CAST: variants seen among roughly 807,000 people sequenced by gnomAD.
CAST encodes the protein calpastatin.
In CAST, 76 loss-of-function variants were observed where a neutral mutation model predicts 119.6. The observed-to-expected ratio is 0.64, with a 90% CI of 0.53 to 0.77. CAST has a LOEUF of 0.77. Among genes scored for constraint, CAST ranks in the 30% least tolerant of loss-of-function variants. CAST has a pLI of 0.00. For synonymous variants in CAST, 319 were observed against 331.6 expected (o/e 0.96, Z 0.41); for missense variants, 953 against 946.5 (o/e 1.01, Z -0.09).
At chr5:96,652,497 T>G (rs1748107274) in intron 1 of CAST, among the ~76,000 whole-genome samples, 1 of 152,118 alleles carries the variant, frequency 6.6e-6, no homozygotes, top group African/African-American at 2.4e-5. Context: ...CAGCACCTAA[T>G]TATACATTTA....
the CAST span, among the ~76,000 whole-genome samples, chr5:96,026,553 C>T: frequency 3.7e-3 from 563 of 152,276 alleles, 4 homozygotes; most frequent in African/African-American, 0.013. Context: ...TAACTGGCCT[C>T]CTGGAAACAG....
chr5:96,368,974 A>G, the CAST span, among the ~76,000 whole-genome samples: 1 of 152,054 alleles, frequency 6.6e-6, no homozygotes, highest in Non-Finnish European at 1.5e-5. Flanking sequence ...CCCATTTGAA[A>G]GTGATCTTTT....
the CAST span, among the ~76,000 whole-genome samples, chr5:96,361,407 T>C: frequency 6.6e-6 from 1 of 152,114 alleles, no homozygotes; most frequent in Non-Finnish European, 1.5e-5. Flanking sequence ...GCTAGCTCAG[T>C]GTCTGCCCAA....
At chr5:96,145,340 T>TA in the CAST span, among the ~76,000 whole-genome samples, 1 of 152,172 alleles carries the variant, frequency 6.6e-6, no homozygotes, top group Non-Finnish European at 1.5e-5. Context: ...TGCAAAAATC[T>TA]GACTCCTCCC....
intron 17 of CAST, 55 bp downstream of exon 17, chr5:96,746,480 T>C (rs546907823): frequency 1.9e-4 from 186 of 962,418 alleles, no homozygotes; most frequent in Non-Finnish European, 3.1e-4. Context: ...CATCTTGTTT[T>C]GTTGTATCTG....
the CAST span, among the ~76,000 whole-genome samples, chr5:96,386,235 T>C: frequency 2.0e-5 from 3 of 152,238 alleles, no homozygotes; most frequent in Admixed American, 6.5e-5. Context: ...GAGAAATCCT[T>C]ACCAATTGGA....
chr5:96,377,602 G>A, the CAST span, among the ~76,000 whole-genome samples: 1 of 152,084 alleles, frequency 6.6e-6, no homozygotes, highest in African/African-American at 2.4e-5. Context: ...TGTGTAATAG[G>A]CTAAACCTTC....
At chr5:96,593,689 T>C (rs1041118585) in intron 1 of CAST, among the ~76,000 whole-genome samples, 1 of 152,196 alleles carries the variant, frequency 6.6e-6, no homozygotes, top group African/African-American at 2.4e-5. Context: ...AAATTAGTCA[T>C]GAGAGTGAAT....
chr5:96,259,012 T>C, the CAST span, among the ~76,000 whole-genome samples: 4 of 152,190 alleles, frequency 2.6e-5, no homozygotes, highest in Non-Finnish European at 5.9e-5. Flanking sequence ...GAAAAGTTAA[T>C]GGAAGATATG....
In CAST at chr5:96,713,352, C is replaced by T. The variant is rs548429714; in HGVS notation, c.211-9287C>T. Among the ~76,000 whole-genome samples, 3 of 152,046 alleles carry T rather than the reference C, an allele frequency of 2.0e-5. No individual in the cohort carries two copies. The South Asian group carries it at 6.2e-4, about 32-fold the overall frequency. ...TTCACTGTGTTAGCCAGGATGGTCA[C>T]GATCTCCTGACCTGGTGATCCACCC... On this transcript the variant is annotated intron_variant, in intron 3 of 31. Coordinates refer to ENST00000675179, the MANE Select transcript of CAST (RefSeq NM_001750.7).
chr5:96,736,198 A>G lies in CAST; in HGVS notation c.657A>G (p.Pro219=). ...AAAAAGAAAAGAAATCATTAACCCC[A>G]GCTGTGCCAGTTGAATCTAAACCGG... ...DKKKEKKSLT[P]AVPVESKPDK... The change falls in exon 10 of 32, where the codon CCA becomes CCG. Residue 219 remains proline (P), a synonymous_variant. Coordinates refer to ENST00000675179, the MANE Select transcript of CAST (RefSeq NM_001750.7). 6.2e-7 allele frequency: 1 copy of G among 1,612,916 alleles called. No individual in the cohort carries two copies. The highest frequency in any genetic ancestry group is 8.5e-7 in the Non-Finnish European group (1 of 1,179,322).
chr5:96,515,480 G>A, the CAST span, among the ~76,000 whole-genome samples: 23 of 152,156 alleles, frequency 1.5e-4, no homozygotes, highest in East Asian at 4.5e-3. Flanking sequence ...TGGCTTCCTG[G>A]TGCTATCTTG....
At chr5:96,022,845 A>C in the CAST span, among the ~76,000 whole-genome samples, 5 of 151,962 alleles carry the variant, frequency 3.3e-5, no homozygotes, top group Non-Finnish European at 7.4e-5. Context: ...TCTCCAGGAA[A>C]CCTCTGTTTT....
At chr5:96,576,889 A>G (rs1746682582) in intron 1 of CAST, among the ~76,000 whole-genome samples, 1 of 151,988 alleles carries the variant, frequency 6.6e-6, no homozygotes, top group African/African-American at 2.4e-5. Context: ...TACATAGGTA[A>G]ATGTGTGCCA....
the CAST span, among the ~76,000 whole-genome samples, chr5:96,383,669 A>G: frequency 1.3e-5 from 2 of 152,170 alleles, no homozygotes; most frequent in Admixed American, 6.5e-5. Flanking sequence ...GATGGTCTTG[A>G]TCTCCTGACC....
chr5:96,566,712 GCACA>G lies in CAST; in HGVS notation c.60+36835_60+36838del, dbSNP rs200807789. Among the ~76,000 whole-genome samples the G allele has an allele frequency of 7.9e-5, 12 of 152,246 alleles. No individual in the cohort carries two copies. The East Asian group carries it at 2.3e-3, about 29-fold the overall frequency. ...TGAGATAGATTCGCAATTTTAAAAT[GCACA>G]CAAACTACACATGACCCCTTCTGCT... On this transcript the variant is annotated intron_variant, in intron 1 of 11. Transcript: ENST00000505143.
chr5:96,465,568 T>C, the CAST span, among the ~76,000 whole-genome samples: 1 of 152,126 alleles, frequency 6.6e-6, no homozygotes, highest in African/African-American at 2.4e-5. Context: ...TCAAAGTACA[T>C]GTGATCATTT....
chr5:96,412,642 A>G, the CAST span: 1 of 735,444 alleles, frequency 1.4e-6, no homozygotes, highest in Non-Finnish European at 2.3e-6. Flanking sequence ...TCTGTAACCC[A>G]GCTACTGACA....
chr5:96,146,964 C>T, the CAST span, among the ~76,000 whole-genome samples: 3 of 152,170 alleles, frequency 2.0e-5, no homozygotes, highest in Non-Finnish European at 2.9e-5. Flanking sequence ...TTGGTCAGAA[C>T]TAGTCATATG....
Sources: allele counts gnomAD v4.1 joint callset (sites outside exome capture counted in the v4.1 genomes callset), GRCh38; gene constraint gnomAD v4.1.1; transcripts MANE v1.5; gene names NCBI Gene and HGNC (gene_info 2026-07-23, HGNC 2026-07-21).